Variants in ACSL5 observed in about 807,000 individuals in gnomAD.
ACSL5 encodes the protein acyl-CoA synthetase long chain family member 5.
Under a neutral mutation model 84.9 loss-of-function variants are expected in ACSL5, and 50 were observed. The observed-to-expected ratio is 0.59, with a 90% CI of 0.47 to 0.75. The LOEUF (loss-of-function observed/expected upper bound fraction) is 0.75. Ranked by LOEUF, ACSL5 falls within the 30% of genes least tolerant of loss-of-function variation. The pLI is 0.00. For missense variants in ACSL5, 775 were observed against 830.4 expected, an observed-to-expected ratio of 0.93 and a Z score of 0.82; for synonymous variants, 280 against 300.7, an observed-to-expected ratio of 0.93 and a Z score of 0.71.
chr10:112,393,116 C>T (rs750448205), intron 1 of ACSL5, among the ~76,000 whole-genome samples: 1 of 152,056 alleles, frequency 6.6e-6, no homozygotes, highest in Non-Finnish European at 1.5e-5. Flanking sequence ...TTTTTGAATG[C>T]TTTTGCCTCC....
At position 112,409,551 on chromosome 10, in the gene ACSL5, G is replaced by A. The variant is rs763164798; in HGVS notation, c.577G>A (p.Val193Met). Residue 193 changes from valine (V) to methionine (M), a missense_variant, in exon 7 of 21, where the codon GTG becomes ATG. By Grantham distance (21) the Val-to-Met change is conservative. Coordinates refer to ENST00000354655, the MANE Select transcript of ACSL5 (RefSeq NM_203379.2). ...CTGTGACACACCCCAAAAGGCATTG[G>A]TGCTGATAGGGAATGTAGAGAAAGG... ...VICDTPQKALVLIGNVEKGFT... is the reference protein window; with the variant it reads ...VICDTPQKALMLIGNVEKGFT... The A allele has an allele frequency of 6.2e-7, 1 of 1,613,858 alleles. No individual in the cohort carries two copies. The highest frequency in any genetic ancestry group is 1.7e-5 in the Admixed American group (1 of 59,996).
intron 8 of ACSL5, 21 bp downstream of exon 8, chr10:112,410,516 AT>A (rs1844153568): frequency 1.2e-6 from 2 of 1,614,044 alleles, no homozygotes; most frequent in South Asian, 2.2e-5. Flanking sequence ...TTCTGCCTGA[AT>A]TTGAGCCTTG....
At chr10:112,422,463 C>T (rs780307763) in intron 17 of ACSL5, 22 bp downstream of exon 17, 35 of 1,601,412 alleles carry the variant, frequency 2.2e-5, no homozygotes, top group African/African-American at 4.0e-5. Context: ...ATCAGAACTC[C>T]TGGAAGTCTA....
intron 1 of ACSL5, chr10:112,375,485 A>T (rs1292462673): frequency 6.6e-6 from 1 of 152,206 alleles, no homozygotes; most frequent in Non-Finnish European, 1.5e-5. Flanking sequence ...ATCATGCTGA[A>T]CTTCCTGTGA....
Position 112,428,218 on chromosome 10 carries a change from A to C in ACSL5, c.*860A>C, listed in dbSNP as rs1167251446. 1.1e-5 allele frequency: 4 copies of C among 375,086 alleles called. No homozygotes were observed. Among genetic ancestry groups the C allele is most frequent in the Non-Finnish European group, 1.9e-5 (4 of 211,646 alleles). The allele number at this position is 375,086 out of a possible 1,614,324, so 23.2% of individuals were successfully genotyped here. On this transcript the variant is annotated 3_prime_UTR_variant, in exon 21 of 21. Coordinates refer to ENST00000354655, the MANE Select transcript of ACSL5 (RefSeq NM_203379.2). ...TCCTGAACTGGGAACAAAGATCTAC[A>C]GGCAAGCAAGATGCCCACACAACAG...
intron 5 of ACSL5, among the ~76,000 whole-genome samples, chr10:112,407,754 G>T (rs990766768): frequency 1.7e-4 from 26 of 151,992 alleles, no homozygotes; most frequent in African/African-American, 6.3e-4. Context: ...AATCCTACTA[G>T]TCCTCTAAAG....
chr10:112,393,191 T>A (rs779199284), intron 1 of ACSL5, among the ~76,000 whole-genome samples: 1 of 152,162 alleles, frequency 6.6e-6, no homozygotes, highest in Non-Finnish European at 1.5e-5. Context: ...CTCAGAATCC[T>A]GCCAGGTGGT....
chr10:112,386,434 C>T (rs1039835032), intron 1 of ACSL5, among the ~76,000 whole-genome samples: 36 of 151,824 alleles, frequency 2.4e-4, no homozygotes, highest in Non-Finnish European at 4.9e-4. Context: ...CCTCAAGTGA[C>T]CCGCCCGCCT....
intron 1 of ACSL5, among the ~76,000 whole-genome samples, chr10:112,378,852 G>T (rs1008075168): frequency 6.6e-6 from 1 of 152,146 alleles, no homozygotes; most frequent in Non-Finnish European, 1.5e-5. Flanking sequence ...ACACTTCCTA[G>T]GTTCTCAACT....
chr10:112,427,077 G>A (rs974840379), intron 20 of ACSL5, 141 bp from the exon 21 acceptor site: 52 of 971,522 alleles, frequency 5.4e-5, no homozygotes, highest in Non-Finnish European at 7.0e-5. Flanking sequence ...CTTAAATTAT[G>A]TTTGTGGGAA....
chr10:112,417,280 A>G (rs2133649405), intron 13 of ACSL5, among the ~76,000 whole-genome samples: 1 of 149,890 alleles, frequency 6.7e-6, no homozygotes, highest in Middle Eastern at 3.7e-3. Flanking sequence ...AGGTGGGTAG[A>G]TCACCTGAGG....
intron 14 of ACSL5, among the ~76,000 whole-genome samples, chr10:112,420,249 ACCC>A (rs1378773025): frequency 6.6e-6 from 1 of 151,834 alleles, no homozygotes; most frequent in South Asian, 2.1e-4. Context: ...CACAGGCCAC[ACCC>A]CCCATTGCAG....
At chr10:112,415,234 C>CT (rs1370175116) in intron 12 of ACSL5, among the ~76,000 whole-genome samples, 2 of 152,056 alleles carry the variant, frequency 1.3e-5, no homozygotes, top group African/African-American at 4.8e-5. Context: ...GAGTCTCGCT[C>CT]TGTCGCCCAG....
chr10:112,385,593 C>T (rs1849433891), intron 1 of ACSL5, among the ~76,000 whole-genome samples: 1 of 152,210 alleles, frequency 6.6e-6, no homozygotes, highest in East Asian at 1.9e-4. Flanking sequence ...AGTTGAATGT[C>T]TTTCCCTAAT....
chr10:112,382,186 A>G (rs148408149), intron 1 of ACSL5, among the ~76,000 whole-genome samples: 3 of 152,362 alleles, frequency 2.0e-5, no homozygotes, highest in Admixed American at 6.5e-5. Context: ...CTTAGGTCGG[A>G]CTGCTTAGCG....
rs1328952014 is a variant in ACSL5 at position 112,421,678 on chromosome 10, T to A, written c.1387+13T>A. ...GACTGGACATCAGGTAAGTCCTCCA[T>A]CTGCTGGGCAGGAGGTGCCATGGTT... On this transcript the variant is annotated intron_variant, in intron 15 of 20. Transcript: ENST00000354655. 6.2e-7 allele frequency: 1 copy of A among 1,609,000 alleles called. No individual in the cohort carries two copies. The highest frequency in any genetic ancestry group is 8.5e-7 in the Non-Finnish European group (1 of 1,175,448).
intron 1 of ACSL5, among the ~76,000 whole-genome samples, chr10:112,393,479 CCTTT>C (rs1564733496): frequency 6.6e-6 from 1 of 152,114 alleles, no homozygotes; most frequent in African/African-American, 2.4e-5. Context: ...CACCTTGTGG[CCTTT>C]CTTAGACTAG....
chr10:112,383,910 C>G (rs986830441), intron 1 of ACSL5, among the ~76,000 whole-genome samples: 2 of 151,954 alleles, frequency 1.3e-5, no homozygotes, highest in South Asian at 4.2e-4. Context: ...TAAAACTCAT[C>G]CACCAGGCGC....
chr10:112,417,219 C>CAAA (rs1421919938), intron 13 of ACSL5, among the ~76,000 whole-genome samples, 197 bp downstream of exon 13: 1 of 20,060 alleles, frequency 5.0e-5, no homozygotes. Flanking sequence ...AAAAAAAAAG[C>CAAA]AGGCTGAGTG....
Sources: allele counts gnomAD v4.1 joint callset (sites outside exome capture counted in the v4.1 genomes callset), GRCh38; gene constraint gnomAD v4.1.1; transcripts MANE v1.5; gene names NCBI Gene and HGNC (gene_info 2026-07-23, HGNC 2026-07-21).